AFAP1L1: variants seen among roughly 807,000 people sequenced by gnomAD.
AFAP1L1 encodes the protein actin filament associated protein 1 like 1, also known as actin filament-associated protein 1-like 1.
Under a neutral mutation model 99.8 loss-of-function variants are expected in AFAP1L1, and 77 were observed. That is an observed-to-expected ratio of 0.77 (90% CI 0.64 to 0.93). AFAP1L1 has a LOEUF of 0.93. Among genes scored for constraint, AFAP1L1 ranks in the 40% least tolerant of loss-of-function variants. The pLI is 0.00. For synonymous variants in AFAP1L1, 373 were observed against 395.3 expected, an observed-to-expected ratio of 0.94 and a Z score of 0.67; for missense variants, 893 against 996.8, an observed-to-expected ratio of 0.90 and a Z score of 1.40.
In AFAP1L1 at chr5:149,340,754, A is replaced by G. The variant is rs1363074355; in HGVS notation, c.*724A>G. ...TAAGCTCACAGTGATACTCAGTGACAGGAGCACAGAGCTCTAATGTCCACA... is the reference window on the plus strand; with the variant it reads ...TAAGCTCACAGTGATACTCAGTGACGGGAGCACAGAGCTCTAATGTCCACA... On this transcript the variant is annotated 3_prime_UTR_variant, in exon 19 of 19. Transcript: ENST00000296721. 6.6e-6 allele frequency: 1 copy of G among 152,254 alleles called. No homozygotes were observed. Among genetic ancestry groups the G allele is most frequent in the Non-Finnish European group, 1.5e-5 (1 of 68,058 alleles). 9.4% of individuals were successfully genotyped at this position (152,254 alleles called of 1,614,324 possible).
chr5:149,305,198 T>C (rs930996480), intron 5 of AFAP1L1, among the ~76,000 whole-genome samples: 5 of 152,186 alleles, frequency 3.3e-5, no homozygotes, highest in African/African-American at 4.8e-5. Context: ...TAAGCCAAGG[T>C]GGGAATTGCT....
rs115822090 is a variant in AFAP1L1, at chr5:149,299,120, C to G, written c.17-389C>G. On this transcript the variant is annotated intron_variant, in intron 1 of 18. Coordinates refer to ENST00000296721, the MANE Select transcript of AFAP1L1 (RefSeq NM_152406.4). ...ATGGCCAGGGGCTCCAGCCTGAGAC[C>G]TGTGCTGAGCTTCGAGCTGCAGTGA... is the stretch of plus-strand genomic sequence containing the variant. 6.4e-3 allele frequency among the ~76,000 whole-genome samples: 970 copies of G among 152,316 alleles called. 17 individuals carry two copies. The highest frequency in any genetic ancestry group is 0.022 in the African/African-American group (921 of 41,578).
intron 15 of AFAP1L1, among the ~76,000 whole-genome samples, chr5:149,325,262 C>T (rs981562771): frequency 1.3e-5 from 2 of 152,206 alleles, no homozygotes; most frequent in East Asian, 1.9e-4. Flanking sequence ...CCCTTTATTC[C>T]CCAACTCAGT....
chr5:149,291,524 C>CA (rs1229134807), intron 1 of AFAP1L1, among the ~76,000 whole-genome samples: 276 of 13,340 alleles, frequency 0.021, 28 homozygotes, highest in African/African-American at 0.049. Flanking sequence ...GACTCCGTCT[C>CA]AAAAAAAAAA....
At position 149,335,705 on chromosome 5, in the gene AFAP1L1, G is replaced by T; in HGVS notation, c.2266G>T (p.Val756Leu). 1.2e-6 allele frequency: 2 copies of T among 1,614,028 alleles called. No individual in the cohort carries two copies. The highest frequency in any genetic ancestry group is 2.2e-5 in the East Asian group (1 of 44,878). ...PSIVASNQGR[V>L]LQKAKEWEMK... is the part of the protein sequence containing the mutation. Reference sequence around the variant, plus strand: ...CATCGTAGCCTCCAACCAAGGAAGGGTGCTACAGAAAGCCAAGGTAGAGCC... The same window carrying T: ...CATCGTAGCCTCCAACCAAGGAAGGTTGCTACAGAAAGCCAAGGTAGAGCC... The change falls in exon 18 of 19, where the codon GTG becomes TTG. Residue 756 changes from valine to leucine, a missense_variant. Coordinates refer to ENST00000296721, the MANE Select transcript of AFAP1L1 (RefSeq NM_152406.4).
intron 1 of AFAP1L1, among the ~76,000 whole-genome samples, chr5:149,295,487 G>T (rs1239076267): frequency 6.6e-6 from 1 of 151,554 alleles, no homozygotes; most frequent in Non-Finnish European, 1.5e-5. Flanking sequence ...TTTACTGATA[G>T]CAACAAGAAA....
chr5:149,331,653 ATC>A (rs1757262377), intron 16 of AFAP1L1, among the ~76,000 whole-genome samples: 1 of 152,066 alleles, frequency 6.6e-6, no homozygotes. Context: ...TAAGCAGCAA[ATC>A]CTACTGAAAA....
In AFAP1L1 at chr5:149,271,909, A is replaced by G; in HGVS notation, c.-60A>G. On this transcript the variant is annotated 5_prime_UTR_variant, in exon 1 of 19. Coordinates refer to ENST00000296721, the MANE Select transcript of AFAP1L1 (RefSeq NM_152406.4). ...CTGAGAGCGCAGCGCGCCGGCCGCTACCAGCCGCGCCGGAGCCCCTGCGCC... is the reference window on the plus strand; with the variant it reads ...CTGAGAGCGCAGCGCGCCGGCCGCTGCCAGCCGCGCCGGAGCCCCTGCGCC... 8.4e-7 allele frequency: 1 copy of G among 1,196,148 alleles called. No homozygotes were observed. Among genetic ancestry groups the G allele is most frequent in the Non-Finnish European group, 1.0e-6 (1 of 962,014 alleles). 74.1% of individuals were successfully genotyped at this position (1,196,148 alleles called of 1,614,324 possible).
chr5:149,277,029 C>T lies in AFAP1L1; in HGVS notation c.16+5045C>T, dbSNP rs142007217. 5.9e-5 allele frequency among the ~76,000 whole-genome samples: 9 copies of T among 152,324 alleles called. No homozygotes were observed. In the East Asian group the frequency reaches 1.7e-3, roughly 29 times the overall value. ...GTTTTGCTTTTGTGAACTTTTCATT[C>T]TTCTTGGATCACCATCTCTTTAAGG... is the stretch of plus-strand genomic sequence containing the variant. On this transcript the variant is annotated intron_variant, in intron 1 of 18. Transcript: ENST00000296721.
chr5:149,317,897 C>T lies in AFAP1L1; in HGVS notation c.1436C>T (p.Ala479Val). ...GGCTTTGGGCCCCGACACCCATTTG[C>T]CTTCAGGATCCTGCGCAACCGGCAG... ...APGFGPRHPF[A>V]FRILRNRQEV... The change falls in exon 12 of 19, where the codon GCC becomes GTC. Residue 479 changes from alanine (A) to valine (V), a missense_variant. Ala to Val is a moderately conservative substitution (Grantham distance 64, BLOSUM62 0). Transcript: ENST00000296721. 6.3e-7 allele frequency: 1 copy of T among 1,592,096 alleles called. No individual in the cohort carries two copies. Among genetic ancestry groups the T allele is most frequent in the Non-Finnish European group, 8.6e-7 (1 of 1,169,246 alleles).
intron 5 of AFAP1L1, among the ~76,000 whole-genome samples, chr5:149,304,747 G>A (rs185635968): frequency 1.3e-5 from 2 of 152,306 alleles, no homozygotes; most frequent in East Asian, 3.9e-4. Context: ...TCACCTCCCA[G>A]GAGATGTCCA....
At position 149,299,718 on chromosome 5, in the gene AFAP1L1, A is replaced by G. The variant is rs868026358; in HGVS notation, c.145+81A>G. On this transcript the variant is annotated intron_variant, in intron 2 of 18. Transcript: ENST00000296721. ...TCCCTTCACTGACTCAAGAACATGC[A>G]GGAACCCTCCGCCCCACCCCCACCC... 41 of 1,588,342 alleles carry G rather than the reference A, an allele frequency of 2.6e-5. 1 individual carries two copies. The Middle Eastern group carries it at 5.7e-3, about 220-fold the overall frequency.
At position 149,320,735 on chromosome 5, in the gene AFAP1L1, G is replaced by A. The variant is rs1173446245; in HGVS notation, c.1698+272G>A. On this transcript the variant is annotated intron_variant, in intron 14 of 18. Coordinates refer to ENST00000296721, the MANE Select transcript of AFAP1L1 (RefSeq NM_152406.4). This position sits in a 1 kb window ranked among gnomAD's most constrained non-coding sequence, Gnocchi z 4.0. ...TACCAAAAGGTGAGGCATCGTCTCCGGTTTGAGCAAGTTGCTGGGGCCCTC... is the reference window on the plus strand; with the variant it reads ...TACCAAAAGGTGAGGCATCGTCTCCAGTTTGAGCAAGTTGCTGGGGCCCTC... 2.0e-5 allele frequency among the ~76,000 whole-genome samples: 3 copies of A among 152,150 alleles called. No homozygotes were observed. The highest frequency in any genetic ancestry group is 2.1e-4 in the South Asian group (1 of 4,830).
At chr5:149,326,590 A>C (rs1421809342) in intron 15 of AFAP1L1, among the ~76,000 whole-genome samples, 1 of 150,276 alleles carries the variant, frequency 6.7e-6, no homozygotes, top group Non-Finnish European at 1.5e-5. Context: ...ATATTTAAAA[A>C]GAAATTTTTT....
chr5:149,332,028 A>G (rs537727995), intron 16 of AFAP1L1, among the ~76,000 whole-genome samples: 1 of 152,288 alleles, frequency 6.6e-6, no homozygotes, highest in South Asian at 2.1e-4. Context: ...ATGAGTTGTG[A>G]TTATGGGGCA....
intron 1 of AFAP1L1, among the ~76,000 whole-genome samples, chr5:149,288,033 G>A (rs534715773): frequency 3.9e-4 from 59 of 152,296 alleles, no homozygotes; most frequent in African/African-American, 1.3e-3. Flanking sequence ...TTTGCTGTCA[G>A]CCCGGGGAGG....
chr5:149,335,557 A>AG, intron 17 of AFAP1L1, 37 bp from the exon 18 acceptor site: 1 of 1,603,544 alleles, frequency 6.2e-7, no homozygotes, highest in Non-Finnish European at 8.5e-7. Context: ...AGCCATCACC[A>AG]GATCTCACCT....
chr5:149,310,251 C>T, intron 8 of AFAP1L1, 116 bp downstream of exon 8: 2 of 1,292,438 alleles, frequency 1.5e-6, no homozygotes, highest in Non-Finnish European at 2.1e-6. Context: ...TGCCTGAGCC[C>T]AAGTGCCCTC....
Position 149,315,899 on chromosome 5 carries a change from G to C in AFAP1L1, c.1099G>C (p.Glu367Gln), listed in dbSNP as rs778934003. ...GDNCSTLGRR[E>Q]TCDHGKGKKS... Reference sequence around the variant, plus strand: ...CAACTGTTCTACCCTTGGCCGCCGGGAGACCTGTGATCACGGTAGGAGCCT... The same window carrying C: ...CAACTGTTCTACCCTTGGCCGCCGGCAGACCTGTGATCACGGTAGGAGCCT... Residue 367 changes from glutamate to glutamine, a missense_variant, in exon 10 of 19, where the codon GAG becomes CAG. Physicochemically the swap from Glu to Gln is conservative, Grantham distance 29 (BLOSUM62 2). Transcript: ENST00000296721. 6.2e-7 allele frequency: 1 copy of C among 1,614,160 alleles called. No individual in the cohort carries two copies. The highest frequency in any genetic ancestry group is 8.5e-7 in the Non-Finnish European group (1 of 1,180,026).
Sources: gnomAD v4.1 joint callset for allele counts (sites outside exome capture counted in the v4.1 genomes callset) on GRCh38, gnomAD v4.1.1 for gene constraint, Gnocchi (gnomAD v3.1) non-coding constraint, MANE v1.5 for transcripts, NCBI Gene and HGNC (gene_info 2026-07-23, HGNC 2026-07-21) for gene names.